GPAT3: variants seen among roughly 807,000 people sequenced by gnomAD.
GPAT3 encodes 1-AGP acyltransferase 9.
GPAT3 carries 53 observed loss-of-function variants against 58.8 expected under a neutral mutation model. The observed-to-expected ratio is 0.90, with a 90% CI of 0.72 to 1.13. The LOEUF is 1.13. Ranked by LOEUF, GPAT3 falls within the 50% of genes most tolerant of loss-of-function variation. GPAT3 has a pLI of 0.00. For missense variants in GPAT3, 511 were observed against 527.6 expected, an observed-to-expected ratio of 0.97 and a Z score of 0.31; for synonymous variants, 197 against 187.4, an observed-to-expected ratio of 1.05 and a Z score of -0.42.
At chr4:83,570,733 A>G (rs555946000) in intron 2 of GPAT3, among the ~76,000 whole-genome samples, 164 of 152,284 alleles carry the variant, frequency 1.1e-3, no homozygotes, top group Non-Finnish European at 1.9e-3. Flanking sequence ...TTGGCCTCCC[A>G]AAGTGTTGGG....
chr4:83,541,871 C>T (rs1196609908), intron 1 of GPAT3, among the ~76,000 whole-genome samples: 1 of 152,202 alleles, frequency 6.6e-6, no homozygotes, highest in Non-Finnish European at 1.5e-5. Flanking sequence ...GTAGTATCCT[C>T]ACGTGGCCCT....
intron 2 of GPAT3, among the ~76,000 whole-genome samples, chr4:83,557,573 A>T (rs1724985045): frequency 6.6e-6 from 1 of 152,208 alleles, no homozygotes; most frequent in Non-Finnish European, 1.5e-5. Flanking sequence ...GTGGCCCAAC[A>T]CACATTTATA....
intron 7 of GPAT3, among the ~76,000 whole-genome samples, chr4:83,595,965 G>A (rs1037309432): frequency 2.0e-5 from 3 of 152,222 alleles, no homozygotes; most frequent in Non-Finnish European, 4.4e-5. Context: ...TCATTTGGCA[G>A]TGGGACACTC....
chr4:83,588,032 A>C (rs116087665), intron 4 of GPAT3, among the ~76,000 whole-genome samples, 178 bp from the exon 5 acceptor site: 14 of 152,184 alleles, frequency 9.2e-5, no homozygotes, highest in African/African-American at 3.4e-4. Flanking sequence ...TTGTGATCTA[A>C]TACTAAATGT....
At chr4:83,587,888 T>A (rs1726439533) in intron 4 of GPAT3, among the ~76,000 whole-genome samples, 1 of 151,930 alleles carries the variant, frequency 6.6e-6, no homozygotes, top group Admixed American at 6.6e-5. Context: ...CCTAAGAGAG[T>A]CTTATATATT....
At chr4:83,555,820 C>T (rs956910999) in intron 2 of GPAT3, among the ~76,000 whole-genome samples, 1 of 152,144 alleles carries the variant, frequency 6.6e-6, no homozygotes, top group Non-Finnish European at 1.5e-5. Flanking sequence ...TTGACTCTAA[C>T]TCCAGGTAGA....
At chr4:83,570,717 C>A (rs535941681) in intron 2 of GPAT3, among the ~76,000 whole-genome samples, 3 of 152,162 alleles carry the variant, frequency 2.0e-5, no homozygotes, top group African/African-American at 4.8e-5. Context: ...AGGTGATCCA[C>A]CCGCCTTGGC....
upstream of GPAT3, chr4:83,535,981 G>A (rs749540060): frequency 1.3e-4 from 132 of 985,512 alleles, no homozygotes; most frequent in South Asian, 1.4e-3. Flanking sequence ...GGGGAAGAAC[G>A]GAGACCGCCC....
intron 1 of GPAT3, among the ~76,000 whole-genome samples, chr4:83,542,352 C>G (rs1724335228): frequency 6.6e-6 from 1 of 152,140 alleles, no homozygotes; most frequent in African/African-American, 2.4e-5. Flanking sequence ...GGTATTAGTC[C>G]AGAGTTTGAG....
chr4:83,553,931 G>A (rs1277165385), intron 2 of GPAT3, among the ~76,000 whole-genome samples: 4 of 151,798 alleles, frequency 2.6e-5, no homozygotes, highest in Non-Finnish European at 5.9e-5. Context: ...TTATTTGAGA[G>A]GGAGAAGATA....
intron 2 of GPAT3, among the ~76,000 whole-genome samples, chr4:83,574,012 G>A (rs182451077): frequency 6.6e-6 from 1 of 152,256 alleles, no homozygotes; most frequent in East Asian, 1.9e-4. Context: ...ACAGTGTTAA[G>A]AGAGACTTTC....
chr4:83,539,138 A>G (rs531203705), intron 1 of GPAT3, among the ~76,000 whole-genome samples: 34 of 152,276 alleles, frequency 2.2e-4, no homozygotes, highest in African/African-American at 8.2e-4. Context: ...TTTCTGTTAG[A>G]CTGGGGTTAA....
At chr4:83,562,179 TTATATA>T (rs138405336) in intron 2 of GPAT3, among the ~76,000 whole-genome samples, 4 of 86,170 alleles carry the variant, frequency 4.6e-5, no homozygotes, top group African/African-American at 1.7e-4. Flanking sequence ...ATTTTATATA[TTATATA>T]TATATATATA....
chr4:83,552,094 A>T (rs913373372), intron 2 of GPAT3, among the ~76,000 whole-genome samples: 1 of 152,174 alleles, frequency 6.6e-6, no homozygotes, highest in African/African-American at 2.4e-5. Context: ...CAGTGCCTGG[A>T]ATTTAAACTG....
chr4:83,598,751 CTTTTTTTTTTT>C (rs70965361), intron 11 of GPAT3, 28 bp downstream of exon 11: 100 of 152,350 alleles, frequency 6.6e-4, no homozygotes, highest in African/African-American at 3.5e-3. Context: ...AGTACTATCA[CTTTTTTTTTTT>C]TTTTTTTTTT....
chr4:83,581,798 G>T lies in GPAT3; in HGVS notation c.445G>T (p.Val149Phe). 6.2e-7 allele frequency: 1 copy of T among 1,614,002 alleles called. No homozygotes were observed. Among genetic ancestry groups the T allele is most frequent in the Non-Finnish European group, 8.5e-7 (1 of 1,179,926 alleles). Residue 149 changes from valine to phenylalanine, a missense_variant, in exon 3 of 12, where the codon GTC becomes TTC. Val to Phe is a conservative substitution (Grantham distance 50, BLOSUM62 -1). Transcript: ENST00000264409. ...GCTCACTATGGTGTGGGTGCTGGGC[G>T]TCATAGTGCGCTATTGTGTCCTACT... ...LRLTMVWVLG[V>F]IVRYCVLLPL...
intron 2 of GPAT3, among the ~76,000 whole-genome samples, chr4:83,571,354 T>C (rs1165572827): frequency 6.6e-6 from 1 of 152,154 alleles, no homozygotes. Context: ...CTACATGGTA[T>C]TCTAAAATGT....
chr4:83,585,038 A>G (rs1395844322), intron 3 of GPAT3, among the ~76,000 whole-genome samples: 1 of 152,204 alleles, frequency 6.6e-6, no homozygotes, highest in Non-Finnish European at 1.5e-5. Context: ...GATTTAATGG[A>G]TGGGAACAAG....
intron 2 of GPAT3, among the ~76,000 whole-genome samples, chr4:83,577,472 A>G (rs905004778): frequency 6.6e-6 from 1 of 152,184 alleles, no homozygotes; most frequent in African/African-American, 2.4e-5. Context: ...TTTGGGGGTA[A>G]TGGGTATGAT....
Sources: allele counts gnomAD v4.1 joint callset (sites outside exome capture counted in the v4.1 genomes callset), GRCh38; gene constraint gnomAD v4.1.1; transcripts MANE v1.5; gene names NCBI Gene and HGNC (gene_info 2026-07-23, HGNC 2026-07-21).